Variants in CISD2 observed in about 807,000 individuals in gnomAD.
CISD2 encodes CDGSH iron sulfur domain 2.
In CISD2, 1 loss-of-function variant was observed where a neutral mutation model predicts 12.9. The ratio of observed to expected loss-of-function variants is 0.08; its 90% CI spans 0.03 to 0.37. CISD2 has a LOEUF of 0.37. CISD2 is among the 10% of genes least tolerant of loss of function. The pLI is 0.99. For synonymous variants in CISD2, 50 were observed against 60.6 expected (o/e 0.83, Z 0.81); for missense variants, 97 against 163.1 (o/e 0.59, Z 2.21).
intron 1 of CISD2, among the ~76,000 whole-genome samples, chr4:102,876,159 G>A (rs1458876936): frequency 6.6e-6 from 1 of 152,154 alleles, no homozygotes; most frequent in African/African-American, 2.4e-5. Flanking sequence ...CTATTAGCCT[G>A]TATCCCCACA....
At chr4:102,874,348 T>C (rs1017377786) in intron 1 of CISD2, among the ~76,000 whole-genome samples, 6 of 151,214 alleles carry the variant, frequency 4.0e-5, no homozygotes, top group Admixed American at 3.3e-4. Context: ...AGGCAGGAGG[T>C]CAAGGGTTGA....
At chr4:102,872,460 T>G (rs959482354) in intron 1 of CISD2, among the ~76,000 whole-genome samples, 14 of 152,216 alleles carry the variant, frequency 9.2e-5, no homozygotes, top group African/African-American at 3.1e-4. Flanking sequence ...ATTTCTGTGT[T>G]TAGCTACATA....
chr4:102,875,949 C>T (rs1230061857), intron 1 of CISD2, among the ~76,000 whole-genome samples: 2 of 152,146 alleles, frequency 1.3e-5, no homozygotes, highest in Non-Finnish European at 2.9e-5. Flanking sequence ...CTTAAAGGTT[C>T]TTTTTTCAGA....
At position 102,887,419 on chromosome 4, in the gene CISD2, A is replaced by G. The variant is rs1160059404; in HGVS notation, c.397A>G (p.Lys133Glu). Residue 133 changes from lysine (K) to glutamate (E), a missense_variant, in exon 3 of 3, where the codon AAA (lysine) becomes GAA (glutamate). Transcript: ENST00000273986. ...DNVGPLILKK[K>E]EV ...TGTGGGTCCACTAATACTGAAGAAGAAAGAAGTATAATAATAATAACAATA... is the reference window on the plus strand; with the variant it reads ...TGTGGGTCCACTAATACTGAAGAAGGAAGAAGTATAATAATAATAACAATA... 9.8e-7 allele frequency: 1 copy of G among 1,018,142 alleles called. No homozygotes were observed. The highest frequency in any genetic ancestry group is 2.5e-5 in the East Asian group (1 of 40,690). 63.1% of individuals were successfully genotyped at this position (1,018,142 alleles called of 1,614,324 possible).
chr4:102,885,731 G>C (rs981802767), intron 2 of CISD2, among the ~76,000 whole-genome samples: 1 of 152,172 alleles, frequency 6.6e-6, no homozygotes, highest in East Asian at 1.9e-4. Context: ...ATGGAAAAAA[G>C]CTTTGGTGTC....
intron 1 of CISD2, among the ~76,000 whole-genome samples, chr4:102,879,031 A>C (rs918297930): frequency 6.6e-6 from 1 of 152,212 alleles, no homozygotes; most frequent in Non-Finnish European, 1.5e-5. Context: ...TTCACGAGGC[A>C]GGAGAGAAGA....
chr4:102,868,998 C>T lies in CISD2; in HGVS notation c.-87C>T, dbSNP rs946494503. ...CGCCCAGGCCGAGGCCGCCAGTGCC[C>T]GCCGGCCGCTTCCGCTCCCGGCGCA... On this transcript the variant is annotated 5_prime_UTR_variant, in exon 1 of 3. Transcript: ENST00000273986. The T allele has an allele frequency of 6.9e-6, 10 of 1,440,418 alleles. No homozygotes were observed. In the African/African-American group the frequency reaches 1.2e-4, roughly 17 times the overall value. 89.2% of individuals were successfully genotyped at this position (1,440,418 alleles called of 1,614,324 possible).
rs987961230 is a variant in CISD2 at position 102,869,395 on chromosome 4, T to C, written c.103+208T>C. The C allele has an allele frequency of 1.8e-5, 13 of 730,786 alleles. No individual in the cohort carries two copies. The African/African-American group carries it at 2.1e-4, about 12-fold the overall frequency. The allele number at this position is 730,786 out of a possible 1,614,324, so 45.3% of individuals were successfully genotyped here. On this transcript the variant is annotated intron_variant, in intron 1 of 2. Transcript: ENST00000273986. ...CGGGTGCTTGATGCCCCAGGGTCTT[T>C]TGTCCTCGGAGTTGTCTCCGGTGTC...
intron 1 of CISD2, among the ~76,000 whole-genome samples, chr4:102,873,041 C>A (rs1385488162): frequency 6.6e-6 from 1 of 152,128 alleles, no homozygotes; most frequent in East Asian, 1.9e-4. Context: ...TAGTGCCGAG[C>A]AAAGGAGGAA....
intron 1 of CISD2, among the ~76,000 whole-genome samples, chr4:102,879,978 T>C (rs1005345643): frequency 1.3e-5 from 2 of 152,118 alleles, no homozygotes; most frequent in Non-Finnish European, 2.9e-5. Flanking sequence ...GTCTCTTCTC[T>C]GTCTCCCAGG....
rs1257633173 is a variant in CISD2, at chr4:102,890,732, C to T, written c.*3302C>T. ...TGGCGCACCAGTAGTCCCAGTTACTCGGGAGGCTGAGGCACAAGAATCTCT... is the reference window on the plus strand; with the variant it reads ...TGGCGCACCAGTAGTCCCAGTTACTTGGGAGGCTGAGGCACAAGAATCTCT... On this transcript the variant is annotated 3_prime_UTR_variant, in exon 3 of 3. Transcript: ENST00000273986. 2 of 149,644 alleles carry T rather than the reference C, an allele frequency of 1.3e-5. No homozygotes were observed. The highest frequency in any genetic ancestry group is 3.0e-5 in the Non-Finnish European group (2 of 67,794). The allele number at this position is 149,644 out of a possible 1,614,324, so 9.3% of individuals were successfully genotyped here.
At position 102,890,842 on chromosome 4, in the gene CISD2, A is replaced by C. The variant is rs1415393976; in HGVS notation, c.*3412A>C. 1 of 142,344 alleles carries C rather than the reference A, an allele frequency of 7.0e-6. No individual in the cohort carries two copies. Among genetic ancestry groups the C allele is most frequent in the Non-Finnish European group, 1.5e-5 (1 of 66,310 alleles). The allele number at this position is 142,344 out of a possible 1,614,324, so 8.8% of individuals were successfully genotyped here. On this transcript the variant is annotated 3_prime_UTR_variant, in exon 3 of 3. Coordinates refer to ENST00000273986, the MANE Select transcript of CISD2 (RefSeq NM_001008388.5). ...GCAACAGAAGTGAAACCCTATCTTA[A>C]AAAAAAAAAAAGTCTTTTTTTTTTT...
intron 1 of CISD2, chr4:102,869,609 C>T (rs1181458071): frequency 1.5e-6 from 1 of 682,542 alleles, no homozygotes; most frequent in Non-Finnish European, 2.7e-6. Context: ...GTACCCTCAG[C>T]ATGTGGGTGG....
Position 102,888,090 on chromosome 4 carries a change from AACTG to A in CISD2, c.*664_*667del, listed in dbSNP as rs962611900. 3.3e-5 allele frequency: 5 copies of A among 151,074 alleles called. No homozygotes were observed. The highest frequency in any genetic ancestry group is 7.4e-5 in the Non-Finnish European group (5 of 67,706). 9.4% of individuals were successfully genotyped at this position (151,074 alleles called of 1,614,324 possible). ...TGTGTGTGTGTGTGTGTGTATTTTA[AACTG>A]ACTCAGTGACAGCTGGGGTGGAATG... On this transcript the variant is annotated 3_prime_UTR_variant, in exon 3 of 3. Coordinates refer to ENST00000273986, the MANE Select transcript of CISD2 (RefSeq NM_001008388.5).
At chr4:102,885,802 AT>A in intron 2 of CISD2, among the ~76,000 whole-genome samples, 1 of 152,336 alleles carries the variant, frequency 6.6e-6, no homozygotes, top group East Asian at 1.9e-4. Context: ...AAGTTACTTA[AT>A]TTTTAATCTC....
chr4:102,886,231 GTAA>G (rs1286228753), intron 2 of CISD2, among the ~76,000 whole-genome samples: 1 of 152,194 alleles, frequency 6.6e-6, no homozygotes, highest in Non-Finnish European at 1.5e-5. Context: ...GCTCACGCCT[GTAA>G]TCCCAGCACT....
chr4:102,879,115 G>T (rs973083605), intron 1 of CISD2, among the ~76,000 whole-genome samples: 4 of 152,000 alleles, frequency 2.6e-5, no homozygotes, highest in Non-Finnish European at 5.9e-5. Context: ...GAACAGCATG[G>T]GGGAGATTGC....
chr4:102,873,958 T>G (rs1425128368), intron 1 of CISD2, among the ~76,000 whole-genome samples: 1 of 151,802 alleles, frequency 6.6e-6, no homozygotes, highest in Non-Finnish European at 1.5e-5. Context: ...AAACCCCGTC[T>G]CTACTAAAAA....
intron 1 of CISD2, among the ~76,000 whole-genome samples, chr4:102,879,068 T>C (rs1213137828): frequency 2.6e-5 from 4 of 152,024 alleles, no homozygotes; most frequent in Non-Finnish European, 5.9e-5. Flanking sequence ...GAAGAGCCCA[T>C]TTTAAAACCA....
Sources: allele counts gnomAD v4.1 joint callset (sites outside exome capture counted in the v4.1 genomes callset), GRCh38; gene constraint gnomAD v4.1.1; transcripts MANE v1.5; gene names NCBI Gene and HGNC (gene_info 2026-07-23, HGNC 2026-07-21).